Variants in PPM1H observed in about 807,000 individuals in gnomAD.
PPM1H encodes the protein protein phosphatase, Mg2+/Mn2+ dependent 1H, also known as protein phosphatase 1H.
In PPM1H, 27 loss-of-function variants were observed where a neutral mutation model predicts 54.9. That is an observed-to-expected ratio of 0.49 (90% CI 0.36 to 0.68). The LOEUF (loss-of-function observed/expected upper bound fraction) is 0.68. PPM1H is among the 30% of genes least tolerant of loss of function. The pLI is 0.00. For synonymous variants in PPM1H, 305 were observed against 270.8 expected, an observed-to-expected ratio of 1.13 and a Z score of -1.24; for missense variants, 596 against 667.8, an observed-to-expected ratio of 0.89 and a Z score of 1.19.
chr12:62,665,292 G>A (rs1377290348), intron 9 of PPM1H, among the ~76,000 whole-genome samples: 1 of 152,084 alleles, frequency 6.6e-6, no homozygotes, highest in Admixed American at 6.5e-5. Flanking sequence ...CAGGTGATCT[G>A]CCCGCCTCCA....
At chr12:62,794,739 T>C (rs546767166) in intron 3 of PPM1H, among the ~76,000 whole-genome samples, 8 of 152,274 alleles carry the variant, frequency 5.3e-5, no homozygotes, top group African/African-American at 1.9e-4. Flanking sequence ...TATTCAACCA[T>C]GTTTTTGGGA....
intron 4 of PPM1H, among the ~76,000 whole-genome samples, chr12:62,746,260 C>CTGTAACAGTCTGATACATATAT (rs2076410386): frequency 6.6e-6 from 1 of 152,168 alleles, no homozygotes; most frequent in Non-Finnish European, 1.5e-5. Context: ...CCTGAGCATT[C>CTGTAACAGTCTGATACATATAT]TGTAACAGTC....
At chr12:62,722,434 C>T (rs1176537963) in intron 5 of PPM1H, among the ~76,000 whole-genome samples, 1 of 152,098 alleles carries the variant, frequency 6.6e-6, no homozygotes, top group Admixed American at 6.5e-5. Context: ...AGACCTAGCC[C>T]GAGGTCATTC....
chr12:62,924,252 C>T (rs573349482), intron 1 of PPM1H, among the ~76,000 whole-genome samples: 2 of 152,260 alleles, frequency 1.3e-5, no homozygotes, highest in East Asian at 3.9e-4. Context: ...GTAGGCAGTT[C>T]ACCAACTCAA....
At chr12:62,692,932 G>GACACACACACACAC (rs71278272) in intron 7 of PPM1H, among the ~76,000 whole-genome samples, 2,483 of 146,782 alleles carry the variant, frequency 0.017, 51 homozygotes, top group African/African-American at 0.04. Flanking sequence ...CTTTTGCTCT[G>GACACACACACACAC]ACACACACAC....
chr12:62,866,721 G>A (rs936453038), intron 1 of PPM1H, among the ~76,000 whole-genome samples: 14 of 152,006 alleles, frequency 9.2e-5, no homozygotes, highest in African/African-American at 2.4e-4. Context: ...CAGATAAGCC[G>A]CTCCCAGATT....
chr12:62,685,205 G>C (rs528288535), intron 8 of PPM1H, among the ~76,000 whole-genome samples: 27 of 152,166 alleles, frequency 1.8e-4, no homozygotes, highest in Admixed American at 1.5e-3. Flanking sequence ...CACAACAAAG[G>C]CCATTACTGT....
chr12:62,923,542 C>T (rs1363777602), intron 1 of PPM1H, among the ~76,000 whole-genome samples: 1 of 152,148 alleles, frequency 6.6e-6, no homozygotes, highest in Non-Finnish European at 1.5e-5. Flanking sequence ...GCTGGGATTA[C>T]AGGTGTGTAC....
chr12:62,884,734 C>T (rs1354543409), intron 1 of PPM1H, among the ~76,000 whole-genome samples: 1 of 152,148 alleles, frequency 6.6e-6, no homozygotes, highest in Non-Finnish European at 1.5e-5. Context: ...TTTACACAAA[C>T]TTACAACACA....
intron 5 of PPM1H, among the ~76,000 whole-genome samples, chr12:62,732,157 T>TGAACTCCTCATCACACACCTGC (rs1469862745): frequency 6.6e-6 from 1 of 152,188 alleles, no homozygotes; most frequent in Non-Finnish European, 1.5e-5. Context: ...GCCCGTCCCT[T>TGAACTCCTCATCACACACCTGC]GAACTCCTCA....
At chr12:62,913,472 C>A (rs1871521088) in intron 1 of PPM1H, among the ~76,000 whole-genome samples, 1 of 152,154 alleles carries the variant, frequency 6.6e-6, no homozygotes, top group Admixed American at 6.5e-5. Context: ...TCCTACTCTG[C>A]CCTTCCATGC....
chr12:62,890,673 C>T (rs567503905), intron 1 of PPM1H, among the ~76,000 whole-genome samples: 2 of 151,520 alleles, frequency 1.3e-5, no homozygotes, highest in South Asian at 2.1e-4. Context: ...GGAGTCAACA[C>T]TTATTGATTG....
At chr12:62,751,388 G>T (rs1273675520) in intron 4 of PPM1H, among the ~76,000 whole-genome samples, 1 of 152,204 alleles carries the variant, frequency 6.6e-6, no homozygotes, top group Non-Finnish European at 1.5e-5. Context: ...ATTTTAGCCT[G>T]AGGGAAAGAA....
chr12:62,715,076 G>T (rs2076227803), intron 6 of PPM1H, among the ~76,000 whole-genome samples: 1 of 152,244 alleles, frequency 6.6e-6, no homozygotes, highest in Non-Finnish European at 1.5e-5. Context: ...CACAGGAGCA[G>T]AGACTTGGTG....
intron 2 of PPM1H, among the ~76,000 whole-genome samples, chr12:62,830,461 T>C (rs1323900769): frequency 3.3e-5 from 5 of 152,150 alleles, no homozygotes; most frequent in East Asian, 1.9e-4. Context: ...GTCACTGTGT[T>C]AGCCAGGATG....
At chr12:62,820,855 C>T (rs1250071599) in intron 2 of PPM1H, among the ~76,000 whole-genome samples, 2 of 152,178 alleles carry the variant, frequency 1.3e-5, no homozygotes, top group African/African-American at 4.8e-5. Flanking sequence ...AACCAGAGCA[C>T]CTCTTCTCCT....
At chr12:62,817,633 G>A (rs2076879103) in intron 2 of PPM1H, among the ~76,000 whole-genome samples, 1 of 152,186 alleles carries the variant, frequency 6.6e-6, no homozygotes, top group East Asian at 1.9e-4. Context: ...CCAACTGCCT[G>A]ATGAGGGCGA....
Position 62,934,972 on chromosome 12 carries a change from A to G in PPM1H, c.-236T>C. 1 of 271,112 alleles carries G rather than the reference A, an allele frequency of 3.7e-6. No individual in the cohort carries two copies. The allele number at this position is 271,112 out of a possible 1,614,324, so 16.8% of individuals were successfully genotyped here. On this transcript the variant is annotated 5_prime_UTR_variant, in exon 1 of 10. The change abolishes an upstream ATG in the 5' untranslated region. Coordinates refer to ENST00000228705, the MANE Select transcript of PPM1H (RefSeq NM_020700.2). The surrounding 1 kb of genome is among the most constrained non-coding windows in gnomAD (Gnocchi z 4.2). ...CGCTACACTTCCGCAACGGAGCTGC[A>G]TGGAGCGGGCCGACCGGGGGAGTCA...
At chr12:62,694,413 C>G (rs2076102252) in intron 6 of PPM1H, among the ~76,000 whole-genome samples, 1 of 152,098 alleles carries the variant, frequency 6.6e-6, no homozygotes, top group African/African-American at 2.4e-5. Context: ...TTGTTTATAC[C>G]AAAACAGCCT....
Sources: allele counts gnomAD v4.1 joint callset (sites outside exome capture counted in the v4.1 genomes callset), GRCh38; gene constraint gnomAD v4.1.1; non-coding constraint Gnocchi (gnomAD v3.1); transcripts MANE v1.5; gene names NCBI Gene and HGNC (gene_info 2026-07-23, HGNC 2026-07-21).